SMURF1: variants seen among roughly 807,000 people sequenced by gnomAD.
SMURF1 encodes E3 ubiquitin-protein ligase SMURF1.
Under a neutral mutation model 98.0 loss-of-function variants are expected in SMURF1, and 44 were observed. The ratio of observed to expected loss-of-function variants is 0.45; its 90% CI spans 0.35 to 0.58. SMURF1 has a LOEUF of 0.58. Among genes scored for constraint, SMURF1 ranks in the 20% least tolerant of loss-of-function variants. The pLI, the probability that SMURF1 is intolerant of heterozygous loss-of-function variation, is 0.00. For synonymous variants in SMURF1, 396 were observed against 374.9 expected, an observed-to-expected ratio of 1.06 and a Z score of -0.65; for missense variants, 687 against 938.4, an observed-to-expected ratio of 0.73 and a Z score of 3.50.
At chr7:99,093,789 A>C (rs984921844) in intron 1 of SMURF1, among the ~76,000 whole-genome samples, 5 of 152,072 alleles carry the variant, frequency 3.3e-5, no homozygotes, top group Non-Finnish European at 7.4e-5. Context: ...TTAAAAAACT[A>C]TATATGGGAT....
At chr7:99,076,386 G>C (rs1796459205) in intron 1 of SMURF1, among the ~76,000 whole-genome samples, 1 of 152,232 alleles carries the variant, frequency 6.6e-6, no homozygotes, top group African/African-American at 2.4e-5. Context: ...AATTTTGACA[G>C]GACCCGATGA....
rs983552900 is a variant in SMURF1 at position 99,141,429 on chromosome 7, A to G, written c.55+2297T>C. On this transcript the variant is annotated intron_variant, in intron 1 of 17. Coordinates refer to ENST00000361368, the MANE Select transcript of SMURF1 (RefSeq NM_181349.3). ...TGATGTCAATTACAGACTGAGCTGTAAATCAGAACCAAGTTAAAAGCTTTA... is the reference window on the plus strand; with the variant it reads ...TGATGTCAATTACAGACTGAGCTGTGAATCAGAACCAAGTTAAAAGCTTTA... Among the ~76,000 whole-genome samples the G allele has an allele frequency of 7.9e-5, 12 of 152,260 alleles. No individual in the cohort carries two copies. In the East Asian group the frequency reaches 1.9e-3, roughly 24 times the overall value.
chr7:99,077,365 G>A (rs377503255), intron 1 of SMURF1, among the ~76,000 whole-genome samples: 7 of 144,080 alleles, frequency 4.9e-5, no homozygotes, highest in East Asian at 2.0e-4. Context: ...ATGGAGTCTC[G>A]CTCTGTTGCC....
intron 1 of SMURF1, among the ~76,000 whole-genome samples, chr7:99,126,612 G>A (rs982342349): frequency 5.9e-5 from 9 of 152,110 alleles, no homozygotes; most frequent in South Asian, 4.1e-4. Context: ...CTGAGATTGC[G>A]CCATTGCACT....
intron 1 of SMURF1, among the ~76,000 whole-genome samples, chr7:99,064,223 A>G (rs1796135382): frequency 6.6e-6 from 1 of 152,068 alleles, no homozygotes; most frequent in Non-Finnish European, 1.5e-5. Context: ...ATTGGTTTGT[A>G]TTTTCCTTTC....
chr7:99,038,579 C>T lies in SMURF1; in HGVS notation c.1551-54G>A, dbSNP rs1260794867. 1.0e-5 allele frequency: 16 copies of T among 1,583,634 alleles called. No individual in the cohort carries two copies. In the Admixed American group the frequency reaches 2.8e-4, roughly 28 times the overall value. On this transcript the variant is annotated intron_variant, in intron 13 of 17. Transcript: ENST00000361368. ...TTAGAACTCTGCCACCACGCGGGGC[C>T]ATTGGGTAGACAGAAAACATTTACG...
At chr7:99,072,821 G>A (rs1796358262) in intron 1 of SMURF1, among the ~76,000 whole-genome samples, 1 of 152,090 alleles carries the variant, frequency 6.6e-6, no homozygotes, top group Non-Finnish European at 1.5e-5. Context: ...TAACACTGAA[G>A]TATTTAACGG....
intron 1 of SMURF1, among the ~76,000 whole-genome samples, chr7:99,142,918 CGAG>C (rs1224051341): frequency 1.9e-5 from 2 of 103,162 alleles, no homozygotes; most frequent in African/African-American, 3.9e-5. Flanking sequence ...GGATGGGAAG[CGAG>C]GAGAAGGAGG....
At chr7:99,061,767 T>C in intron 2 of SMURF1, 32 bp downstream of exon 2, 1 of 1,556,610 alleles carries the variant, frequency 6.4e-7, no homozygotes, top group Non-Finnish European at 8.8e-7. Flanking sequence ...TGCATAACAT[T>C]ATAAGAGGGA....
intron 2 of SMURF1, 90 bp downstream of exon 2, chr7:99,061,709 A>T (rs1796037708): frequency 1.0e-6 from 1 of 1,002,902 alleles, no homozygotes; most frequent in Non-Finnish European, 1.5e-6. Flanking sequence ...AAAACTTTGA[A>T]GAGAATATAC....
At chr7:99,033,346 T>C (rs1794991579) in intron 16 of SMURF1, among the ~76,000 whole-genome samples, 1 of 152,216 alleles carries the variant, frequency 6.6e-6, no homozygotes, top group African/African-American at 2.4e-5. Context: ...GGTCTCACTC[T>C]GTTGCTCAGG....
At chr7:99,096,751 A>G (rs1796963847) in intron 1 of SMURF1, among the ~76,000 whole-genome samples, 1 of 152,360 alleles carries the variant, frequency 6.6e-6, no homozygotes, top group East Asian at 1.9e-4. Flanking sequence ...CAGAGCTAGT[A>G]GACAGAGTCA....
At chr7:99,101,139 G>C (rs192463535) in intron 1 of SMURF1, among the ~76,000 whole-genome samples, 3 of 152,126 alleles carry the variant, frequency 2.0e-5, no homozygotes, top group Non-Finnish European at 4.4e-5. Flanking sequence ...AGAAATATGG[G>C]GGGGTAGGGA....
At chr7:99,037,446 C>T (rs766193170) in intron 14 of SMURF1, among the ~76,000 whole-genome samples, 29 of 152,206 alleles carry the variant, frequency 1.9e-4, no homozygotes, top group Admixed American at 6.5e-5. Flanking sequence ...CCATGTTGGC[C>T]ATGGCTGGTC....
At chr7:99,075,119 C>G (rs1180917818) in intron 1 of SMURF1, among the ~76,000 whole-genome samples, 1 of 151,992 alleles carries the variant, frequency 6.6e-6, no homozygotes, top group African/African-American at 2.4e-5. Flanking sequence ...GACATTCTAG[C>G]AAATTATTAT....
At chr7:99,054,766 G>A (rs759728243) in intron 6 of SMURF1, 24 bp downstream of exon 6, 20 of 1,609,814 alleles carry the variant, frequency 1.2e-5, no homozygotes, top group East Asian at 4.5e-5. Context: ...AACTCAGCCC[G>A]CCTCTTGCTG....
Position 99,116,210 on chromosome 7 carries a change from A to AT in SMURF1, c.55+27515dup, listed in dbSNP as rs202079441. Among the ~76,000 whole-genome samples the AT allele has an allele frequency of 4.3e-3, 632 of 146,952 alleles. 2 individuals are homozygous for AT. Among genetic ancestry groups the AT allele is most frequent in the African/African-American group, 0.015 (592 of 39,572 alleles). On this transcript the variant is annotated intron_variant, in intron 1 of 17. Transcript: ENST00000361368. ...AATATCATCCAAATTGATGCAGAAC[A>AT]TTTTTTTTGACAGATTCCAACATTC...
At position 99,040,437 on chromosome 7, in the gene SMURF1, G is replaced by T. The variant is rs1239600916; in HGVS notation, c.1491C>A (p.Ile497=). Reference sequence around the variant, plus strand: ...CCACAGATTCCAGATCTGAGAGCTGGATGGGCTTCCCCAGCAGCTGCTTGT... The same window carrying T: ...CCACAGATTCCAGATCTGAGAGCTGTATGGGCTTCCCCAGCAGCTGCTTGT... ...PFYKQLLGKP[I]QLSDLESVDP... Residue 497 remains isoleucine (I), a synonymous_variant, in exon 13 of 18, where the codon ATC becomes ATA. Transcript: ENST00000361368. The T allele has an allele frequency of 6.3e-6, 10 of 1,594,518 alleles. No homozygotes were observed. Among genetic ancestry groups the T allele is most frequent in the Non-Finnish European group, 8.5e-6 (10 of 1,170,374 alleles).
At chr7:99,111,595 C>T (rs1797324579) in intron 1 of SMURF1, among the ~76,000 whole-genome samples, 1 of 152,190 alleles carries the variant, frequency 6.6e-6, no homozygotes, top group Admixed American at 6.5e-5. Context: ...CCAGAATCAA[C>T]TGTTTCAGAA....
Sources: gnomAD v4.1 joint callset for allele counts (sites outside exome capture counted in the v4.1 genomes callset) on GRCh38, gnomAD v4.1.1 for gene constraint, MANE v1.5 for transcripts, NCBI Gene and HGNC (gene_info 2026-07-23, HGNC 2026-07-21) for gene names.